The following SEZ6L variants were observed in gnomAD, a reference collection of about 807,000 sequenced individuals.
SEZ6L encodes seizure related 6 homolog like.
A neutral mutation model predicts 106.2 loss-of-function variants in SEZ6L; 37 were observed. The ratio of observed to expected loss-of-function variants is 0.35; its 90% confidence interval spans 0.27 to 0.46. SEZ6L has a LOEUF of 0.46. Ranked by LOEUF, SEZ6L falls within the 20% of genes least tolerant of loss-of-function variation. The pLI is 1.00. For missense variants in SEZ6L, 1,172 were observed against 1,332.8 expected, an observed-to-expected ratio of 0.88 and a Z score of 1.88; for synonymous variants, 541 against 570.4, an observed-to-expected ratio of 0.95 and a Z score of 0.73.
intron 9 of SEZ6L, among the ~76,000 whole-genome samples, chr22:26,335,284 C>T (rs1052789407): frequency 3.3e-5 from 5 of 152,202 alleles, no homozygotes; most frequent in Non-Finnish European, 7.3e-5. Context: ...TCAGGCACAT[C>T]CTATATTATT....
chr22:26,300,603 T>C (rs1020912752), intron 5 of SEZ6L, among the ~76,000 whole-genome samples: 41 of 152,234 alleles, frequency 2.7e-4, no homozygotes, highest in African/African-American at 9.2e-4. Flanking sequence ...TGAATAGTGC[T>C]GCAGTAAACA....
chr22:26,265,990 C>A (rs899479750), intron 1 of SEZ6L, among the ~76,000 whole-genome samples: 3 of 152,188 alleles, frequency 2.0e-5, no homozygotes, highest in African/African-American at 4.8e-5. Context: ...ATGCAACATA[C>A]AAGGCTCTCC....
At chr22:26,298,835 G>C in intron 4 of SEZ6L, 149 bp from the exon 5 acceptor site, 2 of 631,828 alleles carry the variant, frequency 3.2e-6, no homozygotes, top group Non-Finnish European at 4.9e-6. Flanking sequence ...TGATCAAAGA[G>C]AGTCACAAAA....
In SEZ6L at chr22:26,381,055, G is replaced by A. The variant is rs183208392; in HGVS notation, c.*760G>A. The A allele has an allele frequency of 4.6e-5, 7 of 152,102 alleles. No individual in the cohort carries two copies. The highest frequency in any genetic ancestry group is 8.8e-5 in the Non-Finnish European group (6 of 68,026). 9.4% of individuals were successfully genotyped at this position (152,102 alleles called of 1,614,324 possible). Reference sequence around the variant, plus strand: ...GGGGATCATTGGGTAAGGGAATTGGGTTAAAATGTTCTTTTCTTTGACACT... The same window carrying A: ...GGGGATCATTGGGTAAGGGAATTGGATTAAAATGTTCTTTTCTTTGACACT... On this transcript the variant is annotated 3_prime_UTR_variant, in exon 17 of 17. Transcript: ENST00000248933.
chr22:26,256,008 G>A (rs1202220230), intron 1 of SEZ6L, among the ~76,000 whole-genome samples: 2 of 152,124 alleles, frequency 1.3e-5, no homozygotes, highest in Non-Finnish European at 2.9e-5. Flanking sequence ...GAAGTTCAAA[G>A]GAAGATTAGG....
At chr22:26,250,713 A>G (rs573453407) in intron 1 of SEZ6L, among the ~76,000 whole-genome samples, 2 of 152,258 alleles carry the variant, frequency 1.3e-5, no homozygotes, top group African/African-American at 4.8e-5. Flanking sequence ...TTGGTATTTT[A>G]TAGGGATTGC....
In SEZ6L at chr22:26,382,319, C is replaced by G. The variant is rs5997085; in HGVS notation, c.*2024C>G. The G allele has an allele frequency of 0.034, 5,972 of 173,564 alleles. 147 individuals carry two copies. Among genetic ancestry groups the G allele is most frequent in the African/African-American group, 0.066 (2,799 of 42,196 alleles). The allele number at this position is 173,564 out of a possible 1,614,324, so 10.8% of individuals were successfully genotyped here. A position where few individuals can be genotyped will look rare whatever the true frequency, so the allele number is the denominator to read the frequency against. ...ATTTGATGCTTATTCTAACCCTAAC[C>G]CTGGGTCACCTGGAATGAAGAACTC... On this transcript the variant is annotated 3_prime_UTR_variant, in exon 17 of 17. Coordinates refer to ENST00000248933, the MANE Select transcript of SEZ6L (RefSeq NM_021115.5).
chr22:26,184,364 C>T (rs1939625232), intron 1 of SEZ6L, among the ~76,000 whole-genome samples: 1 of 152,146 alleles, frequency 6.6e-6, no homozygotes, highest in Non-Finnish European at 1.5e-5. Flanking sequence ...CCCTCTCCAC[C>T]CCACTTCTGC....
At chr22:26,276,544 A>T (rs590131) in intron 1 of SEZ6L, among the ~76,000 whole-genome samples, 45,244 of 152,200 alleles carry the variant, frequency 0.3, 7,438 homozygotes, top group Non-Finnish European at 0.37. Flanking sequence ...AAGTATTATA[A>T]TTCTCTACAT....
chr22:26,313,736 C>T (rs373838797), intron 8 of SEZ6L, 28 bp from the exon 9 acceptor site: 113 of 1,593,050 alleles, frequency 7.1e-5, no homozygotes, highest in Admixed American at 1.0e-4. Context: ...AAATAAAGTC[C>T]GTCTTCTTGC....
intron 1 of SEZ6L, among the ~76,000 whole-genome samples, chr22:26,170,911 G>T (rs373932274): frequency 6.6e-6 from 1 of 152,128 alleles, no homozygotes; most frequent in African/African-American, 2.4e-5. Context: ...TTGACTCGGA[G>T]TTGGGGGACA....
At chr22:26,279,778 T>TC (rs1309967572) in intron 1 of SEZ6L, among the ~76,000 whole-genome samples, 1 of 151,876 alleles carries the variant, frequency 6.6e-6, no homozygotes, top group African/African-American at 2.4e-5. Flanking sequence ...ACATCCCTCC[T>TC]CCCCCTGGAG....
chr22:26,366,896 T>G lies in SEZ6L; in HGVS notation c.2794+1330T>G, dbSNP rs116421841. Among the ~76,000 whole-genome samples, 996 of 152,082 alleles carry G rather than the reference T, an allele frequency of 6.5e-3. 8 individuals are homozygous for G. The highest frequency in any genetic ancestry group is 0.023 in the African/African-American group (958 of 41,480). On this transcript the variant is annotated intron_variant, in intron 13 of 16. Transcript: ENST00000248933. ...ACTCCTGACCTCAAGCGATCCTCCC[T>G]CCTCTGCCTCTGAGTAGCTGGGATT...
chr22:26,257,213 G>T (rs1312070692), intron 1 of SEZ6L, among the ~76,000 whole-genome samples: 1 of 152,114 alleles, frequency 6.6e-6, no homozygotes, highest in Non-Finnish European at 1.5e-5. Context: ...TTGTATTGAG[G>T]TTAAGGAACC....
intron 1 of SEZ6L, among the ~76,000 whole-genome samples, chr22:26,282,871 T>C (rs2080817241): frequency 6.6e-6 from 1 of 152,194 alleles, no homozygotes; most frequent in South Asian, 2.1e-4. Flanking sequence ...TTTTTTTCTA[T>C]GTCAATCAAA....
At chr22:26,200,384 G>A (rs189198531) in intron 1 of SEZ6L, among the ~76,000 whole-genome samples, 90 of 152,276 alleles carry the variant, frequency 5.9e-4, no homozygotes, top group African/African-American at 2.1e-3. Flanking sequence ...GGTGGTTGGT[G>A]CAAGAGACAC....
At chr22:26,309,408 G>A (rs897401917) in intron 6 of SEZ6L, among the ~76,000 whole-genome samples, 5 of 152,220 alleles carry the variant, frequency 3.3e-5, no homozygotes, top group African/African-American at 1.2e-4. Context: ...CACAGTTGAG[G>A]ACACTGAGGC....
At chr22:26,347,113 T>G (rs1010301948) in intron 10 of SEZ6L, among the ~76,000 whole-genome samples, 12 of 151,792 alleles carry the variant, frequency 7.9e-5, no homozygotes, top group Non-Finnish European at 4.4e-5. Context: ...GGAGGATCAC[T>G]TGAGCCCAGG....
chr22:26,321,944 G>A (rs937681984), intron 9 of SEZ6L, among the ~76,000 whole-genome samples: 7 of 152,064 alleles, frequency 4.6e-5, no homozygotes, highest in Admixed American at 2.6e-4. Context: ...TGGCCATGGC[G>A]GTTCTAATTA....
Sources: allele counts gnomAD v4.1 joint callset (sites outside exome capture counted in the v4.1 genomes callset), GRCh38; gene constraint gnomAD v4.1.1; transcripts MANE v1.5; gene names NCBI Gene and HGNC (gene_info 2026-07-23, HGNC 2026-07-21).